STPG4: variants seen among roughly 807,000 people sequenced by gnomAD.
The protein encoded by STPG4 is sperm-tail PG-rich repeat containing 4.
A neutral mutation model predicts 31.5 loss-of-function variants in STPG4; 41 were observed. The observed-to-expected ratio is 1.30, with a 90% CI of 1.01 to 1.69. STPG4 has a LOEUF of 1.69. Among genes scored for constraint, STPG4 ranks in the 40% most tolerant of loss-of-function variants. The pLI is 0.00. For missense variants in STPG4, 375 were observed against 293.4 expected (o/e 1.28, Z -2.03); for synonymous variants, 141 against 103.0 (o/e 1.37, Z -2.24).
chr2:47,129,914 T>C (rs1005345223), intron 5 of STPG4, 27 bp downstream of exon 5: 1 of 1,603,626 alleles, frequency 6.2e-7, no homozygotes, highest in African/African-American at 1.3e-5. Context: ...AAATTCATCA[T>C]GAGTTAACTG....
intron 5 of STPG4, among the ~76,000 whole-genome samples, chr2:47,092,534 GGGGAGGGGAGGGAGAAA>G (rs1558668618): frequency 3.0e-4 from 3 of 10,058 alleles, no homozygotes; most frequent in East Asian, 1.8e-3. Flanking sequence ...GAAAAGAAAA[GGGGAGGGGAGGGAGAAA>G]GGGAGGGGAG....
At position 47,114,149 on chromosome 2, in the gene STPG4, T is replaced by C. The variant is rs1573168020; in HGVS notation, c.519+15792A>G. On this transcript the variant is annotated intron_variant, in intron 5 of 6. Transcript: ENST00000445927. Reference sequence around the variant, plus strand: ...ACTTAGGGAGGCAGAGGCAGGAGGATAGCTTAAGCCCAGGTGTTCAAGACC... The same window carrying C: ...ACTTAGGGAGGCAGAGGCAGGAGGACAGCTTAAGCCCAGGTGTTCAAGACC... Among the ~76,000 whole-genome samples, 2 of 152,068 alleles carry C rather than the reference T, an allele frequency of 1.3e-5. 1 individual carries two copies. Among genetic ancestry groups the C allele is most frequent in the Admixed American group, 1.3e-4 (2 of 15,266 alleles).
chr2:47,112,905 T>C (rs2103756806), intron 5 of STPG4, among the ~76,000 whole-genome samples: 1 of 149,902 alleles, frequency 6.7e-6, no homozygotes, highest in Admixed American at 6.7e-5. Context: ...GGTGGGAGGA[T>C]TGCTTGAGCC....
At chr2:47,151,187 G>A (rs755456750) in intron 3 of STPG4, 71 bp downstream of exon 3, 21 of 1,551,938 alleles carry the variant, frequency 1.4e-5, no homozygotes, top group Admixed American at 5.6e-5. Context: ...TATACTCTAC[G>A]TATAAAAATA....
chr2:47,089,737 T>A (rs11695805), intron 6 of STPG4, among the ~76,000 whole-genome samples: 1 of 152,144 alleles, frequency 6.6e-6, no homozygotes, highest in Admixed American at 6.5e-5. Context: ...GGAGGAGTCC[T>A]GTATGCTCCC....
intron 5 of STPG4, among the ~76,000 whole-genome samples, chr2:47,122,846 G>T (rs1675899739): frequency 6.6e-6 from 1 of 152,000 alleles, no homozygotes; most frequent in Non-Finnish European, 1.5e-5. Context: ...TTGTTTTTGA[G>T]TCTGAGTCTC....
chr2:47,109,281 G>T (rs1278737524), intron 5 of STPG4, among the ~76,000 whole-genome samples: 1 of 152,216 alleles, frequency 6.6e-6, no homozygotes, highest in African/African-American at 2.4e-5. Context: ...CACAGGCCAG[G>T]CGCAGTGGCT....
chr2:47,138,393 G>GTTT (rs869102317), intron 3 of STPG4, among the ~76,000 whole-genome samples: 1 of 138,458 alleles, frequency 7.2e-6, no homozygotes, highest in Non-Finnish European at 1.6e-5. Context: ...ATTTGTTAAG[G>GTTT]TTTTTTTTTT....
intron 5 of STPG4, among the ~76,000 whole-genome samples, chr2:47,095,134 A>G (rs1205467794): frequency 1.3e-5 from 2 of 152,210 alleles, no homozygotes; most frequent in East Asian, 3.8e-4. Flanking sequence ...TTGTGTTGAC[A>G]TGGCTTCCAT....
chr2:47,103,038 A>G (rs1481936480), intron 5 of STPG4, among the ~76,000 whole-genome samples: 1 of 151,908 alleles, frequency 6.6e-6, no homozygotes, highest in Non-Finnish European at 1.5e-5. Context: ...TATCTTAGTC[A>G]AGTAAATGAC....
intron 5 of STPG4, among the ~76,000 whole-genome samples, chr2:47,103,764 A>G (rs1558673219): frequency 6.6e-6 from 1 of 151,888 alleles, no homozygotes; most frequent in Non-Finnish European, 1.5e-5. Flanking sequence ...TGATCCAACA[A>G]CAGGACTGAG....
chr2:47,128,460 C>A (rs1220083088), intron 5 of STPG4, among the ~76,000 whole-genome samples: 1 of 152,070 alleles, frequency 6.6e-6, no homozygotes, highest in Admixed American at 6.5e-5. Flanking sequence ...AGTCAGGAAA[C>A]TTAGGAATTT....
At chr2:47,147,639 G>T (rs1035935078) in intron 3 of STPG4, among the ~76,000 whole-genome samples, 14 of 152,110 alleles carry the variant, frequency 9.2e-5, no homozygotes, top group African/African-American at 3.1e-4. Flanking sequence ...CTATGTGTGT[G>T]TTGAAATTAT....
chr2:47,138,635 T>C (rs1380931380), intron 3 of STPG4, among the ~76,000 whole-genome samples: 1 of 152,140 alleles, frequency 6.6e-6, no homozygotes, highest in African/African-American at 2.4e-5. Context: ...CTGCAACCTC[T>C]GACTCCCTGG....
At chr2:47,098,931 G>C (rs548207692) in intron 5 of STPG4, among the ~76,000 whole-genome samples, 1 of 152,260 alleles carries the variant, frequency 6.6e-6, no homozygotes, top group South Asian at 2.1e-4. Flanking sequence ...CCAAGACAAG[G>C]GGGTCATATA....
chr2:47,138,387 G>C (rs558595655), intron 3 of STPG4, among the ~76,000 whole-genome samples: 4 of 147,578 alleles, frequency 2.7e-5, no homozygotes, highest in African/African-American at 5.0e-5. Context: ...CTTTAAATTT[G>C]TTAAGGTTTT....
At chr2:47,119,145 C>G (rs1367388946) in intron 5 of STPG4, among the ~76,000 whole-genome samples, 1 of 152,222 alleles carries the variant, frequency 6.6e-6, no homozygotes, top group Non-Finnish European at 1.5e-5. Flanking sequence ...AGAGTTTCCT[C>G]TCTGCAGTTC....
chr2:47,142,836 C>CTTTTTTTTTTT (rs10686388), intron 3 of STPG4, among the ~76,000 whole-genome samples: 4 of 73,836 alleles, frequency 5.4e-5, no homozygotes, highest in African/African-American at 5.5e-5. Context: ...TTTATCTCAT[C>CTTTTTTTTTTT]TTTTTTTTTT....
intron 3 of STPG4, among the ~76,000 whole-genome samples, chr2:47,148,927 G>T (rs1686881547): frequency 6.6e-6 from 1 of 152,140 alleles, no homozygotes; most frequent in South Asian, 2.1e-4. Context: ...GCCACTGAAA[G>T]ATATAAAATG....
Sources: allele counts gnomAD v4.1 joint callset (sites outside exome capture counted in the v4.1 genomes callset), GRCh38; gene constraint gnomAD v4.1.1; transcripts MANE v1.5; gene names NCBI Gene and HGNC (gene_info 2026-07-23, HGNC 2026-07-21).